MYBL2: variants seen among roughly 807,000 people sequenced by gnomAD.
MYBL2 encodes the protein MYB proto-oncogene like 2.
A neutral mutation model predicts 79.9 loss-of-function variants in MYBL2; 28 were observed. The observed-to-expected ratio is 0.35, with a 90% confidence interval of 0.26 to 0.48. The LOEUF (loss-of-function observed/expected upper bound fraction) is 0.48, where lower values mean the gene tolerates loss of function less well. Ranked by LOEUF, MYBL2 falls within the 20% of genes least tolerant of loss-of-function variation. The pLI is 0.99. For missense variants in MYBL2, 735 were observed against 893.9 expected (o/e 0.82, Z 2.27); for synonymous variants, 378 against 361.2 (o/e 1.05, Z -0.53).
intron 2 of MYBL2, among the ~76,000 whole-genome samples, chr20:43,678,887 T>C (rs910334776): frequency 3.1e-5 from 4 of 129,530 alleles, no homozygotes; most frequent in South Asian, 2.4e-4. Context: ...AAAAAACATA[T>C]AGAGCACAGG....
intron 6 of MYBL2, among the ~76,000 whole-genome samples, chr20:43,694,251 G>T (rs1248736371): frequency 1.3e-5 from 2 of 151,900 alleles, no homozygotes; most frequent in Non-Finnish European, 2.9e-5. Flanking sequence ...AGAATGGCGT[G>T]AACCCGGGAG....
Position 43,674,232 on chromosome 20 carries a change from C to CG in MYBL2, c.114+333_114+334insG, listed in dbSNP as rs1163761729. Among the ~76,000 whole-genome samples, 18 of 111,352 alleles carry CG rather than the reference C, an allele frequency of 1.6e-4. 2 individuals carry two copies. Among genetic ancestry groups the CG allele is most frequent in the Non-Finnish European group, 2.3e-4 (12 of 51,620 alleles). 73.1% of individuals were successfully genotyped at this position (111,352 alleles called of 152,430 possible). ...TTGGCCAAATCTGTAACTCCCCCCACCCTTTTTTTTTTTTTTTTTTTGAGA... is the reference window on the plus strand; with the variant it reads ...TTGGCCAAATCTGTAACTCCCCCCACGCCTTTTTTTTTTTTTTTTTTTGAGA... On this transcript the variant is annotated intron_variant, in intron 2 of 13. Transcript: ENST00000217026.
At chr20:43,707,133 T>C (rs991091486) in intron 9 of MYBL2, among the ~76,000 whole-genome samples, 10 of 151,184 alleles carry the variant, frequency 6.6e-5, no homozygotes, top group Admixed American at 1.3e-4. Context: ...TGAGCTATGA[T>C]TGGCTACTGC....
intron 13 of MYBL2, among the ~76,000 whole-genome samples, chr20:43,715,521 AC>A (rs1361778035): frequency 6.6e-6 from 1 of 152,170 alleles, no homozygotes; most frequent in Non-Finnish European, 1.5e-5. Context: ...CTCTGACCCT[AC>A]ATTCTGTAGA....
intron 10 of MYBL2, among the ~76,000 whole-genome samples, chr20:43,710,641 G>T (rs150541759): frequency 6.6e-6 from 1 of 152,322 alleles, no homozygotes; most frequent in Non-Finnish European, 1.5e-5. Context: ...TGGTTGTGGA[G>T]GCACTGGACT....
In MYBL2 at chr20:43,671,484, T is replaced by G. The variant is rs1239651225; in HGVS notation, c.21-2322T>G. Among the ~76,000 whole-genome samples the G allele has an allele frequency of 7.2e-3, 1,054 of 145,770 alleles. 11 individuals are homozygous for G. Among genetic ancestry groups the G allele is most frequent in the African/African-American group, 0.026 (997 of 38,804 alleles). On this transcript the variant is annotated intron_variant, in intron 1 of 13. Coordinates refer to ENST00000217026, the MANE Select transcript of MYBL2 (RefSeq NM_002466.4). The stretch of plus-strand genomic sequence containing the variant: ...TTCCATTTTTTTTTTTTTTTTTTTT[T>G]TTTGTGAGATGGAGTTTCGCTCTTG...
In MYBL2 at chr20:43,716,404, G is replaced by C. The variant is rs576719605; in HGVS notation, c.*317G>C. On this transcript the variant is annotated 3_prime_UTR_variant, in exon 14 of 14. Transcript: ENST00000217026. ...CCTCATCTCAGACCCTGCTTAGGAT[G>C]GGGGATGTGGCCAGGGGTGCTCCTG... The C allele has an allele frequency of 3.9e-4, 151 of 388,248 alleles. No individual in the cohort carries two copies. Among genetic ancestry groups the C allele is most frequent in the African/African-American group, 3.0e-3 (140 of 47,116 alleles). 24.1% of individuals were successfully genotyped at this position (388,248 alleles called of 1,614,324 possible).
At chr20:43,703,753 A>T (rs1433074341) in intron 8 of MYBL2, among the ~76,000 whole-genome samples, 3 of 152,044 alleles carry the variant, frequency 2.0e-5, no homozygotes, top group Non-Finnish European at 4.4e-5. Flanking sequence ...ACGGGTCAGG[A>T]TGGCTAGTGG....
At chr20:43,685,071 G>A (rs1003839995) in intron 4 of MYBL2, among the ~76,000 whole-genome samples, 3 of 151,196 alleles carry the variant, frequency 2.0e-5, no homozygotes, top group Non-Finnish European at 4.4e-5. Context: ...CACCTGAAGT[G>A]GGGAGGCGGA....
chr20:43,692,438 C>A, intron 6 of MYBL2, 119 bp downstream of exon 6: 1 of 1,301,980 alleles, frequency 7.7e-7, no homozygotes. Flanking sequence ...AAAGTGGGCT[C>A]TGTGCTTCTG....
intron 11 of MYBL2, among the ~76,000 whole-genome samples, chr20:43,712,453 C>G (rs1342713478): frequency 6.6e-6 from 1 of 152,104 alleles, no homozygotes; most frequent in Non-Finnish European, 1.5e-5. Context: ...GCCATGGCAG[C>G]CCCTGCTGAG....
chr20:43,692,419 C>T, intron 6 of MYBL2, 100 bp downstream of exon 6: 1 of 1,477,104 alleles, frequency 6.8e-7, no homozygotes, highest in Non-Finnish European at 9.2e-7. Context: ...GTTTCTGCCA[C>T]AGAGTCTAAA....
intron 1 of MYBL2, among the ~76,000 whole-genome samples, chr20:43,668,907 C>T (rs1048480088): frequency 1.4e-3 from 211 of 152,250 alleles, no homozygotes; most frequent in Non-Finnish European, 3.1e-4. Context: ...CTCTGTGTTG[C>T]CCAGGCTGGA....
chr20:43,716,220 C>A lies in MYBL2; in HGVS notation c.*133C>A, dbSNP rs1421597305. 5.0e-6 allele frequency: 7 copies of A among 1,401,442 alleles called. No individual in the cohort carries two copies. The East Asian group carries it at 1.7e-4, about 34-fold the overall frequency. 86.8% of individuals were successfully genotyped at this position (1,401,442 alleles called of 1,614,324 possible). A position where few individuals can be genotyped will look rare whatever the true frequency, so the allele number is the denominator to read the frequency against. The stretch of plus-strand genomic sequence containing the variant: ...TGCCACCAGCCCCTCCCCAGACTCT[C>A]AGGTGGAGGCAACAGGGCCATGTGC... On this transcript the variant is annotated 3_prime_UTR_variant, in exon 14 of 14. Transcript: ENST00000217026.
chr20:43,676,410 T>G (rs978447480), intron 2 of MYBL2, among the ~76,000 whole-genome samples: 2 of 152,216 alleles, frequency 1.3e-5, no homozygotes, highest in African/African-American at 4.8e-5. Context: ...GATAATATGT[T>G]TTGCCTGTTC....
intron 3 of MYBL2, among the ~76,000 whole-genome samples, chr20:43,682,161 G>A (rs1383281907): frequency 1.3e-5 from 2 of 152,196 alleles, no homozygotes; most frequent in Non-Finnish European, 2.9e-5. Flanking sequence ...CAGGTGTTCG[G>A]TTTCTCAACA....
At position 43,667,879 on chromosome 20, in the gene MYBL2, C is replaced by G. The variant is rs560372540; in HGVS notation, c.20+576C>G. On this transcript the variant is annotated intron_variant, in intron 1 of 13. Transcript: ENST00000217026. ...TGTCTCTCCCACCTGGGTTCCGCGCCCCAGCTTGGTTCGGTTTGAGACCTC... is the reference window on the plus strand; with the variant it reads ...TGTCTCTCCCACCTGGGTTCCGCGCGCCAGCTTGGTTCGGTTTGAGACCTC... 2.0e-5 allele frequency among the ~76,000 whole-genome samples: 3 copies of G among 152,244 alleles called. No individual in the cohort carries two copies. In the East Asian group the frequency reaches 5.8e-4, roughly 29 times the overall value.
chr20:43,683,005 G>T lies in MYBL2; in HGVS notation c.279+119G>T, dbSNP rs1025656327. On this transcript the variant is annotated intron_variant, in intron 4 of 13. Transcript: ENST00000217026. ...TCAAGCTGAGCATTGGGTGTGAGTT[G>T]TCTACCAGCCAGTCTGGACACTCTT... is the stretch of plus-strand genomic sequence containing the variant. 1.6e-5 allele frequency: 15 copies of T among 915,352 alleles called. No individual in the cohort carries two copies. In the East Asian group the frequency reaches 2.5e-4, roughly 15 times the overall value. The allele number at this position is 915,352 out of a possible 1,614,324, so 56.7% of individuals were successfully genotyped here. A position where few individuals can be genotyped will look rare whatever the true frequency, so the allele number is the denominator to read the frequency against.
In MYBL2 at chr20:43,686,848, T is replaced by G. The variant is rs1309541705; in HGVS notation, c.280-4T>G. ...AAGTGGCTACCCAGAGACTTTTCTC[T>G]AAGGTCATCGAGCTGGTTAAGAAGT... On this transcript the variant is annotated splice_polypyrimidine_tract_variant and splice_region_variant and intron_variant, in intron 4 of 13. Transcript: ENST00000217026. 6.2e-7 allele frequency: 1 copy of G among 1,613,856 alleles called. No homozygotes were observed. The highest frequency in any genetic ancestry group is 8.5e-7 in the Non-Finnish European group (1 of 1,179,826).
Sources: gnomAD v4.1 joint callset for allele counts (sites outside exome capture counted in the v4.1 genomes callset) on GRCh38, gnomAD v4.1.1 for gene constraint, MANE v1.5 for transcripts, NCBI Gene and HGNC (gene_info 2026-07-23, HGNC 2026-07-21) for gene names.